Variants in ELFN1 observed in about 807,000 individuals in gnomAD.
ELFN1 encodes the protein protein ELFN1.
ELFN1 carries 6 observed loss-of-function variants against 7.6 expected under a neutral mutation model. That is an observed-to-expected ratio of 0.79 (90% confidence interval 0.43 to 1.56). ELFN1 has a LOEUF of 1.56. Ranked by LOEUF, ELFN1 falls within the 40% of genes most tolerant of loss-of-function variation. ELFN1 has a pLI of 0.01. For missense variants in ELFN1, 1,169 were observed against 1,232.2 expected (o/e 0.95, Z 0.77); for synonymous variants, 657 against 588.1 (o/e 1.12, Z -1.70).
At chr7:1,724,547 C>A (rs1039521204) in intron 3 of ELFN1, among the ~76,000 whole-genome samples, 1 of 152,176 alleles carries the variant, frequency 6.6e-6, no homozygotes, top group Non-Finnish European at 1.5e-5. Flanking sequence ...TGCAAACTCT[C>A]AAATTTCGCC....
At position 1,673,582 on chromosome 7, in the gene ELFN1, G is replaced by C; in HGVS notation, c.-549+3228G>C. On this transcript the variant is annotated intron_variant, in intron 1 of 3. Transcript: ENST00000424383. This position sits in a 1 kb window ranked among gnomAD's most constrained non-coding sequence, Gnocchi z 4.7. ...TCTTCCAGCCTCCTGGGGAGGGAGGGCGGGAGGTGAGAGACCACCCTGGGA... is the reference window on the plus strand; with the variant it reads ...TCTTCCAGCCTCCTGGGGAGGGAGGCCGGGAGGTGAGAGACCACCCTGGGA... 6.6e-6 allele frequency among the ~76,000 whole-genome samples: 1 copy of C among 152,160 alleles called. No individual in the cohort carries two copies. The highest frequency in any genetic ancestry group is 1.9e-4 in the East Asian group (1 of 5,188).
intron 1 of ELFN1, among the ~76,000 whole-genome samples, chr7:1,678,087 G>A (rs936645692): frequency 1.3e-4 from 19 of 151,916 alleles, no homozygotes; most frequent in African/African-American, 3.4e-4. Flanking sequence ...TCCCGCACCC[G>A]AATCCACACC....
At chr7:1,677,003 T>G (rs1033120079) in intron 1 of ELFN1, among the ~76,000 whole-genome samples, 2 of 152,132 alleles carry the variant, frequency 1.3e-5, no homozygotes, top group Non-Finnish European at 2.9e-5. Flanking sequence ...CTGAAAGCCA[T>G]GAGGGTAGCC....
intron 2 of ELFN1, chr7:1,693,433 G>C: frequency 8.5e-6 from 4 of 471,282 alleles, no homozygotes; most frequent in Non-Finnish European, 1.3e-5. Context: ...TGTACACATA[G>C]GTGACATGGG....
Position 1,673,519 on chromosome 7 carries a change from C to A in ELFN1, c.-549+3165C>A, listed in dbSNP as rs186804603. 2.6e-3 allele frequency among the ~76,000 whole-genome samples: 380 copies of A among 145,816 alleles called. 4 individuals are homozygous for A. The highest frequency in any genetic ancestry group is 3.4e-3 in the Middle Eastern group (1 of 290). The stretch of plus-strand genomic sequence containing the variant: ...CGCCCCCTGCCCCGGATGTCCCTTT[C>A]CCAAGGCTGGTGGATTGAGACCTGG... On this transcript the variant is annotated intron_variant, in intron 1 of 3. Coordinates refer to ENST00000424383, the MANE Select transcript of ELFN1 (RefSeq NM_001128636.4). This position sits in a 1 kb window ranked among gnomAD's most constrained non-coding sequence, Gnocchi z 4.7.
At chr7:1,710,903 C>G (rs1429955745) in intron 3 of ELFN1, among the ~76,000 whole-genome samples, 3 of 152,206 alleles carry the variant, frequency 2.0e-5, no homozygotes, top group African/African-American at 7.2e-5. Flanking sequence ...GAACTTGAAG[C>G]CCAGAGAAGG....
At chr7:1,704,354 C>A (rs547857623) in intron 2 of ELFN1, among the ~76,000 whole-genome samples, 10 of 152,188 alleles carry the variant, frequency 6.6e-5, no homozygotes, top group Non-Finnish European at 1.3e-4. Context: ...TGGTCCTGAT[C>A]CGGACAAAAG....
At chr7:1,724,250 A>T (rs888316169) in intron 3 of ELFN1, among the ~76,000 whole-genome samples, 4 of 152,178 alleles carry the variant, frequency 2.6e-5, no homozygotes, top group African/African-American at 9.7e-5. Context: ...TGGAGGTCTG[A>T]AACCAAACCC....
At chr7:1,729,403 G>A (rs114114407) in intron 3 of ELFN1, among the ~76,000 whole-genome samples, 8,094 of 152,166 alleles carry the variant, frequency 0.053, 668 homozygotes, top group African/African-American at 0.19. Flanking sequence ...GCTCAGCAGC[G>A]GCTCCTTCAC....
Position 1,746,063 on chromosome 7 carries a change from G to A in ELFN1, c.1467G>A (p.Leu489=). ...CCCCGCTGTCCCAGGGCCCGCTGCT[G>A]GGCCCCGAGGCCGTGACGCGCATCC... ...GLAPLSQGPL[L]GPEAVTRIPY... is the part of the protein sequence containing the mutation. The change falls in exon 4 of 4, where the codon CTG becomes CTA. Residue 489 remains leucine, a synonymous_variant. Transcript: ENST00000424383. The A allele has an allele frequency of 6.5e-7, 1 of 1,547,050 alleles. No individual in the cohort carries two copies. The highest frequency in any genetic ancestry group is 8.7e-7 in the Non-Finnish European group (1 of 1,145,276).
At chr7:1,667,816 C>A (rs2128571375), upstream of ELFN1, among the ~76,000 whole-genome samples, 1 of 152,246 alleles carries the variant, frequency 6.6e-6, no homozygotes. The surrounding 1 kb of genome is among the most constrained non-coding windows in gnomAD (Gnocchi z 8.2). Context: ...TGGAGCGCGG[C>A]GTTGGGCCCC....
intron 1 of ELFN1, among the ~76,000 whole-genome samples, chr7:1,671,479 A>G (rs746714839): frequency 2.6e-5 from 4 of 152,188 alleles, no homozygotes; most frequent in Non-Finnish European, 4.4e-5. Context: ...CGATTGGGCT[A>G]AGGGCTGTGC....
intron 1 of ELFN1, among the ~76,000 whole-genome samples, chr7:1,686,197 G>T (rs1448065323): frequency 6.6e-6 from 1 of 151,542 alleles, no homozygotes; most frequent in Non-Finnish European, 1.5e-5. Context: ...TGCTAGTATT[G>T]CTGGGTTTTG....
rs947926820 is a variant in ELFN1 at position 1,670,309 on chromosome 7, G to T, written c.-594G>T. On this transcript the variant is annotated 5_prime_UTR_variant, in exon 1 of 4. Transcript: ENST00000424383. The surrounding 1 kb of genome is among the most constrained non-coding windows in gnomAD (Gnocchi z 6.4). ...GGAGCGAAGTTAGAGCTTGAAGGACGGCGGCGGCTGCGGGCGCAGCCCCGG... is the reference window on the plus strand; with the variant it reads ...GGAGCGAAGTTAGAGCTTGAAGGACTGCGGCGGCTGCGGGCGCAGCCCCGG... Among the ~76,000 whole-genome samples, 15 of 151,862 alleles carry T rather than the reference G, an allele frequency of 9.9e-5. No individual in the cohort carries two copies. Among genetic ancestry groups the T allele is most frequent in the African/African-American group, 3.4e-4 (14 of 41,384 alleles).
At chr7:1,669,520 A>G (rs1038742837), upstream of ELFN1, among the ~76,000 whole-genome samples, 1 of 152,182 alleles carries the variant, frequency 6.6e-6, no homozygotes, top group African/African-American at 2.4e-5. Flanking sequence ...TCTGCCTTCG[A>G]CGCGCTGTGT....
At chr7:1,675,092 G>C (rs987321871) in intron 1 of ELFN1, among the ~76,000 whole-genome samples, 1 of 152,190 alleles carries the variant, frequency 6.6e-6, no homozygotes, top group Non-Finnish European at 1.5e-5. Context: ...GGACCCGGCA[G>C]CCCACGGCGT....
intron 3 of ELFN1, among the ~76,000 whole-genome samples, chr7:1,722,512 A>T (rs944629823): frequency 6.6e-6 from 1 of 151,042 alleles, no homozygotes; most frequent in African/African-American, 2.4e-5. Context: ...CTGGTGATCC[A>T]CCCCCCGCTC....
At position 1,673,289 on chromosome 7, in the gene ELFN1, G is replaced by T. The variant is rs1364391703; in HGVS notation, c.-549+2935G>T. Among the ~76,000 whole-genome samples the T allele has an allele frequency of 2.6e-5, 4 of 152,166 alleles. No homozygotes were observed. The highest frequency in any genetic ancestry group is 2.1e-4 in the South Asian group (1 of 4,830). ...GGATTGGGGTGGGGCCGGAGAGGGT[G>T]GTGGAGGGGTCCTATGTCTGGCGTC... On this transcript the variant is annotated intron_variant, in intron 1 of 3. Coordinates refer to ENST00000424383, the MANE Select transcript of ELFN1 (RefSeq NM_001128636.4). The surrounding 1 kb of genome is among the most constrained non-coding windows in gnomAD (Gnocchi z 4.7).
At chr7:1,666,402 G>A (rs1056512281), upstream of ELFN1, among the ~76,000 whole-genome samples, 16 of 152,076 alleles carry the variant, frequency 1.1e-4, no homozygotes, top group African/African-American at 3.6e-4. This position sits in a 1 kb window ranked among gnomAD's most constrained non-coding sequence, Gnocchi z 7.9. Context: ...CGCCCGCGGG[G>A]CTCTGGATGC....
Sources: gnomAD v4.1 joint callset for allele counts (sites outside exome capture counted in the v4.1 genomes callset) on GRCh38, gnomAD v4.1.1 for gene constraint, Gnocchi (gnomAD v3.1) non-coding constraint, MANE v1.5 for transcripts, NCBI Gene and HGNC (gene_info 2026-07-23, HGNC 2026-07-21) for gene names.